Variants in KRTAP13-4 observed in about 807,000 individuals in gnomAD.
The protein encoded by KRTAP13-4 is keratin-associated protein 13-4.
For missense variants in KRTAP13-4, 198 were observed against 189.6 expected, an observed-to-expected ratio of 1.04 and a Z score of -0.26; for synonymous variants, 80 against 77.2, an observed-to-expected ratio of 1.04 and a Z score of -0.19.
exon 1 of KRTAP13-4, chr21:30,430,906 A>G: frequency 7.5e-6 from 6 of 795,796 alleles, no homozygotes; most frequent in Middle Eastern, 2.9e-4. Context: ...ATTAATGAGT[A>G]ACCTAATATT....
At chr21:30,430,853 C>T (rs969051443) in exon 1 of KRTAP13-4, 21 of 1,436,524 alleles carry the variant, frequency 1.5e-5, no homozygotes, top group Non-Finnish European at 1.9e-5. Context: ...TTTATTCTTC[C>T]ACCACCAGCT....
At chr21:30,430,596 T>A in exon 1 of KRTAP13-4, 1 of 1,614,194 alleles carries the variant, frequency 6.2e-7, no homozygotes, top group Non-Finnish European at 8.5e-7. Flanking sequence ...CGCTGGGAAA[T>A]GGATCCAGTG....
exon 1 of KRTAP13-4, chr21:30,430,648 C>G (rs750545770): frequency 4.3e-6 from 7 of 1,614,072 alleles, no homozygotes; most frequent in East Asian, 2.2e-5. Flanking sequence ...TTTTCCTTCC[C>G]TGAGTTACGG....
chr21:30,430,446 GC>G, the KRTAP13-4 span: 2 of 1,613,904 alleles, frequency 1.2e-6, no homozygotes, highest in African/African-American at 2.7e-5. Context: ...CCTGCTGGGA[GC>G]CCGCCAGCTG....
At chr21:30,430,960 T>C in exon 1 of KRTAP13-4, 2 of 503,724 alleles carry the variant, frequency 4.0e-6, no homozygotes, top group Non-Finnish European at 6.9e-6. Context: ...TGCTATCTGA[T>C]TTTCATCCAA....
exon 1 of KRTAP13-4, chr21:30,430,562 G>T: frequency 6.2e-7 from 1 of 1,614,182 alleles, no homozygotes; most frequent in Non-Finnish European, 8.5e-7. Flanking sequence ...CGCTCCCAGG[G>T]CTATGGATCT....
At chr21:30,430,304 T>A (rs1410510617) in exon 1 of KRTAP13-4, 1 of 1,612,016 alleles carries the variant, frequency 6.2e-7, no homozygotes, top group African/African-American at 1.3e-5. Context: ...TCTAGAAACT[T>A]CTCCTCCCGC....
exon 1 of KRTAP13-4, chr21:30,430,394 C>T (rs774964079): frequency 1.9e-6 from 3 of 1,614,108 alleles, no homozygotes; most frequent in Admixed American, 1.7e-5. Context: ...TCTCCCAGCA[C>T]CTGCCAGCTG....
At chr21:30,430,511 C>G in exon 1 of KRTAP13-4, 1 of 1,614,220 alleles carries the variant, frequency 6.2e-7, no homozygotes, top group Non-Finnish European at 8.5e-7. Context: ...CCCTGTCAGA[C>G]GACTTGCTCT....
At position 30,431,026 on chromosome 21, in the gene KRTAP13-4, A is replaced by G. The variant is rs952629409; in HGVS notation, c.*268A>G. The stretch of plus-strand genomic sequence containing the variant: ...TAAATGTATGTAATCTGGTACCCAA[A>G]TATATTGTTCACATTGTTATTATTT... On this transcript the variant is annotated 3_prime_UTR_variant, in exon 1 of 1. Transcript: ENST00000334068. The G allele has an allele frequency of 2.2e-5, 7 of 314,648 alleles. No homozygotes were observed. The East Asian group carries it at 4.1e-4, about 19-fold the overall frequency. The allele number at this position is 314,648 out of a possible 1,614,324, so 19.5% of individuals were successfully genotyped here. A position where few individuals can be genotyped will look rare whatever the true frequency, so the allele number is the denominator to read the frequency against.
In KRTAP13-4 at chr21:30,430,410, C is replaced by T. The variant is rs973888410; in HGVS notation, c.135C>T (p.Ser45=). The T allele has an allele frequency of 3.1e-6, 5 of 1,614,096 alleles. 1 individual carries two copies. Among genetic ancestry groups the T allele is most frequent in the African/African-American group, 1.3e-5 (1 of 74,924 alleles). ...CTCCCAGCACCTGCCAGCTGCGTTC[C>T]TCTCTCTACAGGGACTGTCAGAAGA... is the stretch of plus-strand genomic sequence containing the variant. The change falls in exon 1 of 1, where the codon TCC becomes TCT. Residue 45 remains serine, a synonymous_variant. Transcript: ENST00000334068.
At chr21:30,430,704 G>T in exon 1 of KRTAP13-4, 3 of 1,614,144 alleles carry the variant, frequency 1.9e-6, no homozygotes, top group Non-Finnish European at 1.7e-6. Flanking sequence ...GAGCCTGGCA[G>T]TCTTCTTGTT....
exon 1 of KRTAP13-4, chr21:30,430,882 T>G (rs374841984): frequency 9.1e-7 from 1 of 1,097,444 alleles, no homozygotes; most frequent in Non-Finnish European, 1.3e-6. Context: ...GACCAACTTC[T>G]GGCAGACTGC....
At chr21:30,430,674 C>T (rs781055066) in exon 1 of KRTAP13-4, 2 of 1,614,176 alleles carry the variant, frequency 1.2e-6, no homozygotes, top group Non-Finnish European at 1.7e-6. Flanking sequence ...GATTCTGCTA[C>T]CCAAACTACT....
At chr21:30,430,405 C>T (rs1384129884) in exon 1 of KRTAP13-4, 31 of 1,614,064 alleles carry the variant, frequency 1.9e-5, no homozygotes, top group Non-Finnish European at 2.3e-5. Flanking sequence ...CTGCCAGCTG[C>T]GTTCCTCTCT....
At chr21:30,430,736 G>A (rs999597) in exon 1 of KRTAP13-4, 47,470 of 1,609,128 alleles carry the variant, frequency 0.03, 910 homozygotes, top group Admixed American at 0.036. Context: ...TGTGGATCTC[G>A]CTTCTATCAA....
At chr21:30,430,378 C>T (rs759435390) in exon 1 of KRTAP13-4, 5 of 1,614,208 alleles carry the variant, frequency 3.1e-6, no homozygotes, top group Admixed American at 3.3e-5. Context: ...CAGCACTGCC[C>T]TCTGCTCTCC....
chr21:30,430,585 TC>T, the KRTAP13-4 span: 12 of 1,614,102 alleles, frequency 7.4e-6, no homozygotes, highest in African/African-American at 1.5e-4. Context: ...GTGCTGCTAC[TC>T]GCTGGGAAAT....
At chr21:30,430,312 C>T (rs774286666) in exon 1 of KRTAP13-4, 15 of 1,612,676 alleles carry the variant, frequency 9.3e-6, no homozygotes, top group South Asian at 3.3e-5. Flanking sequence ...CTTCTCCTCC[C>T]GCTCCTTTGG....
Sources: allele counts gnomAD v4.1 joint callset, GRCh38; gene constraint gnomAD v4.1.1; transcripts MANE v1.5; gene names NCBI Gene and HGNC (gene_info 2026-07-23, HGNC 2026-07-21).